Variants in NDRG3 observed in about 807,000 individuals in gnomAD.
NDRG3 encodes protein NDRG3.
A neutral mutation model predicts 57.2 loss-of-function variants in NDRG3; 23 were observed. That is an observed-to-expected ratio of 0.40 (90% CI 0.29 to 0.57). The LOEUF is 0.57. Ranked by LOEUF, NDRG3 falls within the 20% of genes least tolerant of loss-of-function variation. The pLI, the probability that NDRG3 is intolerant of heterozygous loss-of-function variation, is 0.42. For synonymous variants in NDRG3, 132 were observed against 162.6 expected (o/e 0.81, Z 1.43); for missense variants, 384 against 457.3 (o/e 0.84, Z 1.46).
chr20:36,738,520 C>A (rs1283288450), intron 1 of NDRG3, among the ~76,000 whole-genome samples: 1 of 151,542 alleles, frequency 6.6e-6, no homozygotes. Flanking sequence ...AAAAGCAACA[C>A]CTTCAAAAGT....
At chr20:36,663,346 C>T (rs1485365717) in intron 12 of NDRG3, among the ~76,000 whole-genome samples, 1 of 152,216 alleles carries the variant, frequency 6.6e-6, no homozygotes, top group Non-Finnish European at 1.5e-5. Flanking sequence ...ATGTCTACAC[C>T]TCTGATTATT....
At chr20:36,662,721 T>G (rs1473155231) in intron 12 of NDRG3, among the ~76,000 whole-genome samples, 5 of 152,180 alleles carry the variant, frequency 3.3e-5, no homozygotes, top group Non-Finnish European at 5.9e-5. Context: ...CACACACTTG[T>G]GGGATAAAAT....
chr20:36,660,500 G>A, intron 12 of NDRG3, 116 bp from the exon 13 acceptor site: 2 of 558,102 alleles, frequency 3.6e-6, no homozygotes, highest in Non-Finnish European at 6.4e-6. Flanking sequence ...AGAAGGCTGA[G>A]CCAGCCAAAG....
chr20:36,708,377 C>T (rs1338242935), intron 2 of NDRG3, among the ~76,000 whole-genome samples: 1 of 151,980 alleles, frequency 6.6e-6, no homozygotes, highest in Admixed American at 6.6e-5. Flanking sequence ...GGGCCGGGCA[C>T]GGTGACTTAT....
Position 36,687,472 on chromosome 20 carries a change from T to C in NDRG3, c.320+20A>G, listed in dbSNP as rs746039960. ...CTCTACTGAGTGCACGTCTCCCAGATGATCTTTTCGTGGCCTTACCCTGTT... is the reference window on the plus strand; with the variant it reads ...CTCTACTGAGTGCACGTCTCCCAGACGATCTTTTCGTGGCCTTACCCTGTT... On this transcript the variant is annotated intron_variant, in intron 5 of 15. Coordinates refer to ENST00000349004, the MANE Select transcript of NDRG3 (RefSeq NM_032013.4). 7 of 1,610,894 alleles carry C rather than the reference T, an allele frequency of 4.3e-6. No individual in the cohort carries two copies. The South Asian group carries it at 6.6e-5, about 15-fold the overall frequency.
intron 3 of NDRG3, among the ~76,000 whole-genome samples, chr20:36,695,522 G>GA (rs1982702906): frequency 6.6e-6 from 1 of 152,172 alleles, no homozygotes; most frequent in African/African-American, 2.4e-5. Flanking sequence ...TTCCTGGGGG[G>GA]ACGGAGGGGG....
chr20:36,741,858 T>C (rs1278428457), intron 1 of NDRG3, among the ~76,000 whole-genome samples: 1 of 152,212 alleles, frequency 6.6e-6, no homozygotes, highest in African/African-American at 2.4e-5. Context: ...CCCAGGAATA[T>C]GGGTTTTAAT....
chr20:36,689,605 G>T (rs1303055553), intron 3 of NDRG3, among the ~76,000 whole-genome samples: 1 of 152,060 alleles, frequency 6.6e-6, no homozygotes, highest in African/African-American at 2.4e-5. Context: ...ACGTTACAGG[G>T]GTGGATCTTG....
At chr20:36,691,143 G>C (rs1236268272) in intron 3 of NDRG3, among the ~76,000 whole-genome samples, 1 of 152,214 alleles carries the variant, frequency 6.6e-6, no homozygotes, top group African/African-American at 2.4e-5. Flanking sequence ...AGGGCTTCCA[G>C]TTTAATTTCC....
chr20:36,743,121 T>G (rs1363953006), intron 1 of NDRG3, among the ~76,000 whole-genome samples: 2 of 152,196 alleles, frequency 1.3e-5, no homozygotes, highest in African/African-American at 4.8e-5. Context: ...AAATGAAAAG[T>G]ACCCTGTACA....
intron 2 of NDRG3, among the ~76,000 whole-genome samples, chr20:36,711,142 C>A (rs6101921): frequency 6.7e-6 from 1 of 148,780 alleles, no homozygotes; most frequent in Non-Finnish European, 1.5e-5. Context: ...AATAGCCGGG[C>A]GTGGTGGCAG....
intron 9 of NDRG3, 150 bp downstream of exon 9, chr20:36,671,191 T>C: frequency 1.6e-6 from 1 of 644,242 alleles, no homozygotes. Context: ...AAGATTCACC[T>C]TTGCAGGGCC....
At chr20:36,680,952 C>T (rs771801095) in intron 7 of NDRG3, 50 bp from the exon 8 acceptor site, 24 of 1,459,660 alleles carry the variant, frequency 1.6e-5, no homozygotes, top group Middle Eastern at 1.7e-4. Flanking sequence ...TCCCACAGTT[C>T]TTCTAAACAG....
intron 9 of NDRG3, among the ~76,000 whole-genome samples, chr20:36,666,661 C>T (rs1361441051): frequency 6.6e-6 from 1 of 152,114 alleles, no homozygotes; most frequent in East Asian, 1.9e-4. Context: ...CACCTCGTCA[C>T]TCTGAACCCT....
intron 1 of NDRG3, among the ~76,000 whole-genome samples, chr20:36,725,926 C>CTTT (rs35120120): frequency 1.1e-4 from 14 of 123,630 alleles, no homozygotes; most frequent in African/African-American, 3.3e-4. Flanking sequence ...CCTAGTGTTC[C>CTTT]TTTTTTTTTT....
rs1387292850 is a variant in NDRG3, at chr20:36,671,330, C to G, written c.588+11G>C. 2.6e-5 allele frequency: 42 copies of G among 1,610,220 alleles called. No individual in the cohort carries two copies. The highest frequency in any genetic ancestry group is 3.6e-5 in the Non-Finnish European group (42 of 1,177,002). On this transcript the variant is annotated intron_variant, in intron 9 of 15. Coordinates refer to ENST00000349004, the MANE Select transcript of NDRG3 (RefSeq NM_032013.4). ...ATAAACACAGCTCTTCTGGGTGGAACAGGTACTTACCTGCCCAAAGTGATG... is the reference window on the plus strand; with the variant it reads ...ATAAACACAGCTCTTCTGGGTGGAAGAGGTACTTACCTGCCCAAAGTGATG...
chr20:36,729,677 G>A (rs1465309230), intron 1 of NDRG3, among the ~76,000 whole-genome samples: 2 of 151,900 alleles, frequency 1.3e-5, no homozygotes, highest in Non-Finnish European at 2.9e-5. Flanking sequence ...ACAGGCACAC[G>A]CAACCACGCC....
chr20:36,737,672 C>G (rs777258722), intron 1 of NDRG3, among the ~76,000 whole-genome samples: 6 of 152,180 alleles, frequency 3.9e-5, no homozygotes, highest in African/African-American at 1.4e-4. Flanking sequence ...GAGCAATCTG[C>G]ATCCTGACCT....
rs553513265 is a variant in NDRG3, at chr20:36,712,077, C to T, written c.58-5070G>A. Among the ~76,000 whole-genome samples the T allele has an allele frequency of 3.9e-5, 6 of 152,130 alleles. No individual in the cohort carries two copies. In the South Asian group the frequency reaches 1.2e-3, roughly 32 times the overall value. ...ACAGGGGATTACAGGTGTGAGCCAC[C>T]GCACCTGGTTGTTTTTTTGTTTTTT... On this transcript the variant is annotated intron_variant, in intron 2 of 15. Coordinates refer to ENST00000349004, the MANE Select transcript of NDRG3 (RefSeq NM_032013.4).
Sources: allele counts gnomAD v4.1 joint callset (sites outside exome capture counted in the v4.1 genomes callset), GRCh38; gene constraint gnomAD v4.1.1; transcripts MANE v1.5; gene names NCBI Gene and HGNC (gene_info 2026-07-23, HGNC 2026-07-21).